UNC5C: variants seen among roughly 807,000 people sequenced by gnomAD.
UNC5C encodes the protein unc-5 netrin receptor C.
A neutral mutation model predicts 99.8 loss-of-function variants in UNC5C; 47 were observed. That is an observed-to-expected ratio of 0.47 (90% confidence interval 0.37 to 0.60). UNC5C has a LOEUF of 0.60. Ranked by LOEUF, UNC5C falls within the 20% of genes least tolerant of loss-of-function variation. UNC5C has a pLI of 0.00. For synonymous variants in UNC5C, 487 were observed against 452.2 expected (o/e 1.08, Z -0.98); for missense variants, 1,062 against 1,165.9 (o/e 0.91, Z 1.30).
chr4:95,392,331 T>A (rs1400229872), intron 1 of UNC5C, among the ~76,000 whole-genome samples: 1 of 151,324 alleles, frequency 6.6e-6, no homozygotes, highest in African/African-American at 2.4e-5. Context: ...AGATAAAGTA[T>A]TCTAGTTAAA....
Position 95,204,958 on chromosome 4 carries a change from A to G in UNC5C, c.1902+1670T>C, listed in dbSNP as rs145070116. Reference sequence around the variant, plus strand: ...ACCTATGCCCCCAGAGGAAGCCCCTAAAAAGGAAAAGAGAGAAGCTCAGAA... The same window carrying G: ...ACCTATGCCCCCAGAGGAAGCCCCTGAAAAGGAAAAGAGAGAAGCTCAGAA... On this transcript the variant is annotated intron_variant, in intron 11 of 15. Coordinates refer to ENST00000453304, the MANE Select transcript of UNC5C (RefSeq NM_003728.4). Among the ~76,000 whole-genome samples, 430 of 151,910 alleles carry G rather than the reference A, an allele frequency of 2.8e-3. 2 individuals carry two copies. Among genetic ancestry groups the G allele is most frequent in the African/African-American group, 9.7e-3 (401 of 41,384 alleles).
Position 95,369,453 on chromosome 4 carries a change from G to T in UNC5C, c.125-33822C>A, listed in dbSNP as rs573599555. 1.2e-4 allele frequency among the ~76,000 whole-genome samples: 18 copies of T among 152,064 alleles called. No homozygotes were observed. The South Asian group carries it at 2.9e-3, about 25-fold the overall frequency. ...TGTAGTCCCAGCTACTTGGGAGGCT[G>T]AGGTGGGAGGATGGCTTGAGCCCAG... is the stretch of plus-strand genomic sequence containing the variant. On this transcript the variant is annotated intron_variant, in intron 1 of 15. Transcript: ENST00000453304.
chr4:95,350,533 A>G (rs1382375718), intron 1 of UNC5C, among the ~76,000 whole-genome samples: 1 of 152,102 alleles, frequency 6.6e-6, no homozygotes, highest in African/African-American at 2.4e-5. Flanking sequence ...TAATGATTAG[A>G]GCTACATACC....
intron 1 of UNC5C, among the ~76,000 whole-genome samples, chr4:95,363,226 C>T (rs549904801): frequency 6.6e-6 from 1 of 152,220 alleles, no homozygotes; most frequent in African/African-American, 2.4e-5. Flanking sequence ...ACCGGCTTAC[C>T]ATTACACAAA....
intron 1 of UNC5C, among the ~76,000 whole-genome samples, chr4:95,448,732 G>A (rs1747194619): frequency 6.6e-6 from 1 of 152,096 alleles, no homozygotes; most frequent in African/African-American, 2.4e-5. Context: ...ATATGCTAAT[G>A]TCATTACACC....
chr4:95,346,938 A>G (rs1743793248), intron 1 of UNC5C, among the ~76,000 whole-genome samples: 4 of 152,036 alleles, frequency 2.6e-5, no homozygotes. Flanking sequence ...AGAGAAAAAA[A>G]ATAAAGGGCA....
chr4:95,203,665 A>G (rs1450998305), intron 11 of UNC5C, among the ~76,000 whole-genome samples: 2 of 151,966 alleles, frequency 1.3e-5, no homozygotes, highest in Admixed American at 1.3e-4. Flanking sequence ...GGGTTTCACT[A>G]TGTTGCCAGG....
At chr4:95,448,227 T>TGAGAGAGAGAGAGAGAGAGAGAGAGA (rs1208781802) in intron 1 of UNC5C, among the ~76,000 whole-genome samples, 17 of 100,140 alleles carry the variant, frequency 1.7e-4, no homozygotes, top group South Asian at 3.7e-4. Flanking sequence ...TGTGTGTGTG[T>TGAGAGAGAGAGAGAGAGAGAGAGAGA]GAGAGAGAGA....
intron 4 of UNC5C, among the ~76,000 whole-genome samples, chr4:95,251,970 A>T (rs1739760865): frequency 6.6e-6 from 1 of 152,236 alleles, no homozygotes; most frequent in Non-Finnish European, 1.5e-5. Context: ...ATGCTGAAAA[A>T]GCTAAACATT....
chr4:95,300,085 C>T (rs965610203), intron 3 of UNC5C, among the ~76,000 whole-genome samples: 1 of 152,132 alleles, frequency 6.6e-6, no homozygotes, highest in African/African-American at 2.4e-5. Context: ...TGGCATCCAA[C>T]ACAAAATAGA....
At chr4:95,513,648 T>A (rs1015510660) in intron 1 of UNC5C, among the ~76,000 whole-genome samples, 31 of 152,104 alleles carry the variant, frequency 2.0e-4, no homozygotes, top group African/African-American at 7.2e-4. Context: ...TATATAGACA[T>A]ACATAGATAG....
At chr4:95,541,679 C>A (rs1284649970) in intron 1 of UNC5C, among the ~76,000 whole-genome samples, 1 of 151,598 alleles carries the variant, frequency 6.6e-6, no homozygotes, top group Non-Finnish European at 1.5e-5. Flanking sequence ...TTTGAGAAAA[C>A]CTGCATTTCT....
rs1319962431 is a variant in UNC5C at position 95,278,380 on chromosome 4, C to T, written c.491-18G>A. On this transcript the variant is annotated intron_variant, in intron 3 of 15. Coordinates refer to ENST00000453304, the MANE Select transcript of UNC5C (RefSeq NM_003728.4). ...CCGTAGATCTGGAACGTAAAAGTGA[C>T]AAAATACATGTCAAAATTAAACAAC... 5.0e-6 allele frequency: 8 copies of T among 1,586,810 alleles called. No homozygotes were observed. Among genetic ancestry groups the T allele is most frequent in the Non-Finnish European group, 6.9e-6 (8 of 1,155,640 alleles).
At position 95,301,723 on chromosome 4, in the gene UNC5C, C is replaced by T. The variant is rs756032843; in HGVS notation, c.373G>A (p.Glu125Lys). ...TCTTCCACTTGCTGGCGCGAAATCT[C>T]AATGCTCACTTCCCGGACAATGAGA... is the stretch of plus-strand genomic sequence containing the variant. ...SGLIVREVSIEISRQQVEELF... is the reference protein window; with the variant it reads ...SGLIVREVSIKISRQQVEELF... The change falls in exon 3 of 16, where the codon GAG (glutamate) becomes AAG (lysine). Residue 125 changes from glutamate to lysine, a missense_variant. Glu to Lys is a moderately conservative substitution (Grantham distance 56, BLOSUM62 1). Around this residue, in one of 3 missense-constraint regions of UNC5C, gnomAD observed 249 missense variants for 295.1 expected, o/e 0.84. Coordinates refer to ENST00000453304, the MANE Select transcript of UNC5C (RefSeq NM_003728.4). 8.7e-6 allele frequency: 14 copies of T among 1,612,890 alleles called. No individual in the cohort carries two copies. Among genetic ancestry groups the T allele is most frequent in the Non-Finnish European group, 1.2e-5 (14 of 1,180,010 alleles).
intron 3 of UNC5C, among the ~76,000 whole-genome samples, chr4:95,296,905 T>G (rs1289661553): frequency 1.3e-5 from 2 of 152,350 alleles, no homozygotes; most frequent in South Asian, 2.1e-4. Context: ...TGTTGTGGTA[T>G]GCTACCAGGA....
At chr4:95,355,095 A>G (rs1429354114) in intron 1 of UNC5C, among the ~76,000 whole-genome samples, 1 of 152,186 alleles carries the variant, frequency 6.6e-6, no homozygotes, top group African/African-American at 2.4e-5. Flanking sequence ...CTATAAAAAT[A>G]GGCTTTGAGA....
At chr4:95,414,720 G>A (rs1022305550) in intron 1 of UNC5C, among the ~76,000 whole-genome samples, 12 of 152,206 alleles carry the variant, frequency 7.9e-5, no homozygotes, top group Middle Eastern at 6.8e-3. Flanking sequence ...GGATATTAAT[G>A]CCTATAACCT....
chr4:95,227,093 T>C (rs1403850047), intron 7 of UNC5C, among the ~76,000 whole-genome samples: 1 of 152,102 alleles, frequency 6.6e-6, no homozygotes, highest in African/African-American at 2.4e-5. Context: ...AGAGCAGTGC[T>C]TTTTCAAGGG....
At chr4:95,193,538 A>T (rs1456977242) in intron 12 of UNC5C, among the ~76,000 whole-genome samples, 3 of 152,054 alleles carry the variant, frequency 2.0e-5, no homozygotes, top group Admixed American at 2.0e-4. Flanking sequence ...GCTGGTGTTT[A>T]AAAAAAATCA....
Sources: gnomAD v4.1 joint callset for allele counts (sites outside exome capture counted in the v4.1 genomes callset) on GRCh38, gnomAD v4.1.1 for gene constraint, gnomAD v4.1.1 regional missense constraint, MANE v1.5 for transcripts, NCBI Gene and HGNC (gene_info 2026-07-23, HGNC 2026-07-21) for gene names.